The following WDR89 variants were observed in gnomAD, a reference collection of about 807,000 sequenced individuals.
WDR89 encodes the protein WD repeat domain 89, also known as WD repeat-containing protein 89.
WDR89 carries 17 observed loss-of-function variants against 29.1 expected under a neutral mutation model. That is an observed-to-expected ratio of 0.58 (90% CI 0.40 to 0.88). The LOEUF is 0.88. Ranked by LOEUF, WDR89 falls within the 40% of genes least tolerant of loss-of-function variation. WDR89 has a pLI of 0.00. For synonymous variants in WDR89, 138 were observed against 157.8 expected (o/e 0.87, Z 0.94); for missense variants, 396 against 456.3 (o/e 0.87, Z 1.20).
intron 2 of WDR89, among the ~76,000 whole-genome samples, chr14:63,624,078 T>TC (rs1265155498): frequency 1.3e-5 from 2 of 152,172 alleles, no homozygotes; most frequent in Non-Finnish European, 2.9e-5. Context: ...TGACCTTTGG[T>TC]TAGGCAAAGA....
chr14:63,636,496 CACTA>C (rs1233061214), intron 1 of WDR89, among the ~76,000 whole-genome samples: 1 of 152,326 alleles, frequency 6.6e-6, no homozygotes, highest in East Asian at 1.9e-4. Context: ...GGAGGCATCA[CACTA>C]ACTGATTTCA....
intron 1 of WDR89, among the ~76,000 whole-genome samples, chr14:63,637,471 T>C (rs1042171785): frequency 2.6e-5 from 4 of 152,234 alleles, no homozygotes; most frequent in Admixed American, 6.5e-5. Flanking sequence ...CGCATGTTTA[T>C]AGCAGCACAA....
At chr14:63,606,104 C>T (rs572546216) in intron 2 of WDR89, among the ~76,000 whole-genome samples, 1 of 151,974 alleles carries the variant, frequency 6.6e-6, no homozygotes, top group Non-Finnish European at 1.5e-5. Flanking sequence ...CAGGCCACCA[C>T]ATCCAGCTAA....
intron 1 of WDR89, among the ~76,000 whole-genome samples, chr14:63,639,350 T>C (rs1883943736): frequency 8.1e-6 from 1 of 123,000 alleles, no homozygotes; most frequent in Non-Finnish European, 1.6e-5. Context: ...CGAGACCTCA[T>C]CTCTACCAAA....
chr14:63,601,480 C>G (rs775080688), intron 2 of WDR89: 28 of 1,234,894 alleles, frequency 2.3e-5, no homozygotes, highest in Middle Eastern at 1.9e-4. Flanking sequence ...GACACTAGAG[C>G]AGAGTACGAG....
chr14:63,600,067 T>A, intron 2 of WDR89, 94 bp from the exon 3 acceptor site: 3 of 689,622 alleles, frequency 4.4e-6, no homozygotes, highest in Non-Finnish European at 4.3e-6. Flanking sequence ...AAATTGCAAT[T>A]AAATCAAGAA....
At chr14:63,615,430 C>T (rs186703655) in intron 2 of WDR89, among the ~76,000 whole-genome samples, 6 of 152,162 alleles carry the variant, frequency 3.9e-5, no homozygotes, top group African/African-American at 9.6e-5. Context: ...TTTGAAAAGA[C>T]GCTTTTAAGA....
At chr14:63,616,177 C>T (rs1355543730) in intron 2 of WDR89, among the ~76,000 whole-genome samples, 2 of 151,918 alleles carry the variant, frequency 1.3e-5, no homozygotes, top group African/African-American at 4.8e-5. Flanking sequence ...GGGAGAAGCA[C>T]CTGAGCCCAG....
intron 2 of WDR89, among the ~76,000 whole-genome samples, chr14:63,605,231 C>CACACAT (rs1895267078): frequency 1.3e-5 from 2 of 151,546 alleles, no homozygotes; most frequent in Admixed American, 6.6e-5. Flanking sequence ...CACACACACA[C>CACACAT]ACACACACAC....
chr14:63,616,715 A>G (rs1008909989), intron 2 of WDR89, among the ~76,000 whole-genome samples: 3 of 152,246 alleles, frequency 2.0e-5, no homozygotes, highest in Admixed American at 2.0e-4. Context: ...GGAGAGCTCC[A>G]TCGGTCATGG....
intron 2 of WDR89, among the ~76,000 whole-genome samples, chr14:63,615,220 A>G (rs1267493619): frequency 2.0e-5 from 3 of 152,180 alleles, no homozygotes; most frequent in Non-Finnish European, 4.4e-5. Context: ...CTTTACGGTA[A>G]TTCCACAAAT....
At chr14:63,611,710 A>C (rs1595023313) in intron 2 of WDR89, among the ~76,000 whole-genome samples, 1 of 151,876 alleles carries the variant, frequency 6.6e-6, no homozygotes, top group East Asian at 1.9e-4. Flanking sequence ...CCCAAAAAAA[A>C]ATTTTTTTTA....
At chr14:63,606,029 G>T (rs1036095217) in intron 2 of WDR89, among the ~76,000 whole-genome samples, 1 of 151,860 alleles carries the variant, frequency 6.6e-6, no homozygotes, top group African/African-American at 2.4e-5. Flanking sequence ...TGGAGGCAGG[G>T]TCTTGTTCCA....
chr14:63,634,533 A>G (rs570587050), intron 1 of WDR89, among the ~76,000 whole-genome samples: 1 of 151,922 alleles, frequency 6.6e-6, no homozygotes, highest in Non-Finnish European at 1.5e-5. Flanking sequence ...AAAAAAAAAA[A>G]AGAGAAGTGA....
intron 2 of WDR89, among the ~76,000 whole-genome samples, chr14:63,624,071 C>A (rs1341535403): frequency 6.6e-6 from 1 of 152,092 alleles, no homozygotes; most frequent in African/African-American, 2.4e-5. Context: ...GAATCTATGA[C>A]CTTTGGTTAG....
At chr14:63,632,972 G>C (rs1313688601) in intron 1 of WDR89, among the ~76,000 whole-genome samples, 1 of 152,126 alleles carries the variant, frequency 6.6e-6, no homozygotes, top group Non-Finnish European at 1.5e-5. Flanking sequence ...TATAGAGTCA[G>C]ACTGCCAGAG....
At chr14:63,640,487 CTTT>C (rs147475625) in intron 1 of WDR89, among the ~76,000 whole-genome samples, 1 of 149,844 alleles carries the variant, frequency 6.7e-6, no homozygotes, top group Non-Finnish European at 1.5e-5. Flanking sequence ...GTTTTATTGA[CTTT>C]TTTTTTTCTC....
intron 1 of WDR89, among the ~76,000 whole-genome samples, chr14:63,639,328 T>C (rs1445119315): frequency 1.5e-5 from 2 of 130,518 alleles, no homozygotes; most frequent in Non-Finnish European, 3.1e-5. Flanking sequence ...GAGACCCACC[T>C]GGGCAACATA....
chr14:63,603,390 T>A (rs1032149935), intron 2 of WDR89, among the ~76,000 whole-genome samples: 5 of 152,194 alleles, frequency 3.3e-5, no homozygotes. Context: ...CAACCTTCTG[T>A]TTTTCATGTC....
Sources: gnomAD v4.1 joint callset for allele counts (sites outside exome capture counted in the v4.1 genomes callset) on GRCh38, gnomAD v4.1.1 for gene constraint, MANE v1.5 for transcripts, NCBI Gene and HGNC (gene_info 2026-07-23, HGNC 2026-07-21) for gene names.